Variants in CCSER1 observed in about 807,000 individuals in gnomAD.
CCSER1 encodes serine-rich coiled-coil domain-containing protein 1.
Under a neutral mutation model 82.0 loss-of-function variants are expected in CCSER1, and 41 were observed. The ratio of observed to expected loss-of-function variants is 0.50; its 90% CI spans 0.39 to 0.65. The LOEUF (loss-of-function observed/expected upper bound fraction) is 0.65, where lower values mean the gene tolerates loss of function less well. Among genes scored for constraint, CCSER1 ranks in the 30% least tolerant of loss-of-function variants. CCSER1 has a pLI of 0.00. For missense variants in CCSER1, 1,119 were observed against 1,064.2 expected, an observed-to-expected ratio of 1.05 and a Z score of -0.72; for synonymous variants, 414 against 383.9, an observed-to-expected ratio of 1.08 and a Z score of -0.92.
chr4:90,886,968 C>A (rs1471645821), intron 8 of CCSER1, among the ~76,000 whole-genome samples: 1 of 152,038 alleles, frequency 6.6e-6, no homozygotes, highest in African/African-American at 2.4e-5. Flanking sequence ...TAGAAGAAGA[C>A]CAATAGACCT....
intron 5 of CCSER1, among the ~76,000 whole-genome samples, chr4:90,553,305 G>A (rs2153642607): frequency 6.6e-6 from 1 of 152,258 alleles, no homozygotes; most frequent in Non-Finnish European, 1.5e-5. Context: ...TTAAATATTG[G>A]TGGTGTGCTA....
intron 1 of CCSER1, among the ~76,000 whole-genome samples, chr4:90,195,878 A>G (rs754768803): frequency 2.0e-5 from 3 of 152,102 alleles, no homozygotes; most frequent in Non-Finnish European, 2.9e-5. Flanking sequence ...AACAATCAAA[A>G]TGTCCAGCAA....
intron 10 of CCSER1, among the ~76,000 whole-genome samples, chr4:91,500,891 C>G (rs537607405): frequency 6.6e-6 from 1 of 151,746 alleles, no homozygotes; most frequent in South Asian, 2.1e-4. Context: ...AGGTACTTAC[C>G]CAGTGCCTGA....
At chr4:91,175,836 C>A (rs1450294831) in intron 10 of CCSER1, among the ~76,000 whole-genome samples, 1 of 152,140 alleles carries the variant, frequency 6.6e-6, no homozygotes, top group African/African-American at 2.4e-5. Context: ...TAATTAGATC[C>A]CATTTGTCAA....
At chr4:91,001,086 G>A (rs986857824) in intron 9 of CCSER1, among the ~76,000 whole-genome samples, 1 of 151,982 alleles carries the variant, frequency 6.6e-6, no homozygotes, top group Non-Finnish European at 1.5e-5. Flanking sequence ...ATGTTCTTTT[G>A]ATGCCTAGTT....
chr4:91,209,655 A>G (rs1286860258), intron 10 of CCSER1, among the ~76,000 whole-genome samples: 1 of 151,912 alleles, frequency 6.6e-6, no homozygotes, highest in Non-Finnish European at 1.5e-5. Flanking sequence ...TTAATCAAGA[A>G]TATTAGCCTG....
At chr4:91,307,270 AAG>A (rs929877118) in intron 10 of CCSER1, among the ~76,000 whole-genome samples, 3 of 151,938 alleles carry the variant, frequency 2.0e-5, no homozygotes, top group African/African-American at 7.2e-5. Context: ...CAATAAAAAA[AAG>A]GATTCTGAAC....
intron 1 of CCSER1, among the ~76,000 whole-genome samples, chr4:90,307,703 T>C (rs1209225712): frequency 2.0e-5 from 3 of 151,896 alleles, no homozygotes; most frequent in Admixed American, 2.0e-4. Flanking sequence ...TTTCTTTGAG[T>C]GCTGATTGTA....
intron 10 of CCSER1, among the ~76,000 whole-genome samples, chr4:91,183,177 G>A (rs1734210189): frequency 6.6e-6 from 1 of 152,178 alleles, no homozygotes; most frequent in Non-Finnish European, 1.5e-5. Context: ...TCATCTGTAT[G>A]TAATAGTAAC....
intron 10 of CCSER1, among the ~76,000 whole-genome samples, chr4:91,518,609 G>A (rs568895968): frequency 1.3e-5 from 2 of 152,232 alleles, no homozygotes; most frequent in African/African-American, 4.8e-5. Context: ...CTGTTTGTTG[G>A]GTGTTGGGGC....
chr4:90,417,833 T>A (rs1756047725), intron 4 of CCSER1, among the ~76,000 whole-genome samples: 2 of 152,288 alleles, frequency 1.3e-5, no homozygotes, highest in East Asian at 3.9e-4. Flanking sequence ...GAAACCCTAG[T>A]GGTTTTCCTA....
intron 10 of CCSER1, among the ~76,000 whole-genome samples, chr4:91,593,618 C>T (rs1309037791): frequency 6.6e-6 from 1 of 151,678 alleles, no homozygotes; most frequent in Non-Finnish European, 1.5e-5. Flanking sequence ...AGCCCCCATG[C>T]TTTTTTCTTA....
chr4:90,925,520 A>AATTGGT (rs1728949705), intron 9 of CCSER1, among the ~76,000 whole-genome samples: 1 of 152,088 alleles, frequency 6.6e-6, no homozygotes, highest in Admixed American at 6.6e-5. Flanking sequence ...TGCTTGTGAG[A>AATTGGT]ATTGGTTACT....
At position 91,073,231 on chromosome 4, in the gene CCSER1, T is replaced by C. The variant is rs561524095; in HGVS notation, c.2173-12719T>C. ...CAATAGATTTTAGCCCAAATCATGA[T>C]AAACTCCATAAAATTTTCAAACATG... is the stretch of plus-strand genomic sequence containing the variant. On this transcript the variant is annotated intron_variant, in intron 9 of 10. Coordinates refer to ENST00000509176, the MANE Select transcript of CCSER1 (RefSeq NM_001145065.2). Among the ~76,000 whole-genome samples, 187 of 152,228 alleles carry C rather than the reference T, an allele frequency of 1.2e-3. 1 individual carries two copies. Among genetic ancestry groups the C allele is most frequent in the African/African-American group, 3.9e-3 (163 of 41,566 alleles).
chr4:90,535,108 C>A (rs949659558), intron 5 of CCSER1, among the ~76,000 whole-genome samples: 10 of 151,804 alleles, frequency 6.6e-5, no homozygotes, highest in African/African-American at 2.2e-4. Flanking sequence ...TTTTACTTAG[C>A]TACACTGAGA....
At chr4:90,943,017 C>A (rs1458943522) in intron 9 of CCSER1, among the ~76,000 whole-genome samples, 1 of 150,488 alleles carries the variant, frequency 6.6e-6, no homozygotes, top group East Asian at 1.9e-4. Flanking sequence ...GTAACTGAAA[C>A]TTTGATGAAC....
At chr4:90,654,403 A>T (rs1023121590) in intron 6 of CCSER1, among the ~76,000 whole-genome samples, 2 of 152,078 alleles carry the variant, frequency 1.3e-5, no homozygotes, top group African/African-American at 4.8e-5. Context: ...TTTATACTTT[A>T]TATTTCATTT....
intron 3 of CCSER1, among the ~76,000 whole-genome samples, chr4:90,332,450 G>A (rs1207623205): frequency 6.6e-6 from 1 of 151,980 alleles, no homozygotes; most frequent in African/African-American, 2.4e-5. Flanking sequence ...TGGTCAGGCT[G>A]GTCTCAAACT....
intron 1 of CCSER1, among the ~76,000 whole-genome samples, chr4:90,232,418 A>C (rs2153428824): frequency 6.6e-6 from 1 of 152,340 alleles, no homozygotes; most frequent in Admixed American, 6.5e-5. Context: ...CTGGCTAGCC[A>C]TATGTAGAAA....
Sources: allele counts gnomAD v4.1 joint callset (sites outside exome capture counted in the v4.1 genomes callset), GRCh38; gene constraint gnomAD v4.1.1; transcripts MANE v1.5; gene names NCBI Gene and HGNC (gene_info 2026-07-23, HGNC 2026-07-21).